CACNA2D1: variants seen among roughly 807,000 people sequenced by gnomAD.
The protein encoded by CACNA2D1 is calcium voltage-gated channel auxiliary subunit alpha2delta 1, also known as voltage-dependent calcium channel subunit alpha-2/delta-1.
A neutral mutation model predicts 171.5 loss-of-function variants in CACNA2D1; 53 were observed. That is an observed-to-expected ratio of 0.31 (90% confidence interval 0.25 to 0.39). The LOEUF (loss-of-function observed/expected upper bound fraction) is 0.39. Among genes scored for constraint, CACNA2D1 ranks in the 10% least tolerant of loss-of-function variants. CACNA2D1 has a pLI of 1.00. For synonymous variants in CACNA2D1, 442 were observed against 443.1 expected, an observed-to-expected ratio of 1.00 and a Z score of 0.03; for missense variants, 903 against 1,299.8, an observed-to-expected ratio of 0.69 and a Z score of 4.69.
At chr7:82,117,838 C>T (rs1789263689) in intron 5 of CACNA2D1, among the ~76,000 whole-genome samples, 1 of 151,936 alleles carries the variant, frequency 6.6e-6, no homozygotes, top group Admixed American at 6.6e-5. Flanking sequence ...TAGAGAGGTG[C>T]CTTTAAATAC....
At chr7:82,013,401 A>T in intron 14 of CACNA2D1, 60 bp downstream of exon 14, 2 of 762,166 alleles carry the variant, frequency 2.6e-6, no homozygotes, top group Non-Finnish European at 1.9e-6. Context: ...AGCATATTTA[A>T]ACCAGAAAAA....
rs561644743 is a variant in CACNA2D1 at position 82,323,456 on chromosome 7, A to G, written c.294+11679T>C. 9.9e-5 allele frequency among the ~76,000 whole-genome samples: 15 copies of G among 152,268 alleles called. No individual in the cohort carries two copies. In the South Asian group the frequency reaches 2.9e-3, roughly 29 times the overall value. ...AAGTTCTGGTTCTAGCTCTACCACT[A>G]ACGACCTATGCGCAGGACCAGCCAG... On this transcript the variant is annotated intron_variant, in intron 3 of 38. Coordinates refer to ENST00000356860, the MANE Select transcript of CACNA2D1 (RefSeq NM_000722.4).
At chr7:82,145,712 T>A (rs973667345) in intron 4 of CACNA2D1, among the ~76,000 whole-genome samples, 3 of 148,656 alleles carry the variant, frequency 2.0e-5, no homozygotes, top group African/African-American at 4.9e-5. Flanking sequence ...ATACACAATT[T>A]TATATATATA....
chr7:82,363,879 G>C (rs1398719022), intron 1 of CACNA2D1, among the ~76,000 whole-genome samples: 1 of 152,184 alleles, frequency 6.6e-6, no homozygotes, highest in Non-Finnish European at 1.5e-5. Flanking sequence ...AATAGCCAGT[G>C]TCCAAGGACA....
intron 8 of CACNA2D1, 149 bp from the exon 9 acceptor site, chr7:82,064,503 T>C: frequency 1.8e-6 from 1 of 568,684 alleles, no homozygotes; most frequent in South Asian, 2.4e-5. Context: ...TTTCCATTCA[T>C]ATTCTTCAAT....
At chr7:81,962,187 T>C (rs1290067758) in intron 35 of CACNA2D1, among the ~76,000 whole-genome samples, 164 bp from the exon 36 acceptor site, 2 of 151,830 alleles carry the variant, frequency 1.3e-5, no homozygotes, top group African/African-American at 2.4e-5. Flanking sequence ...CAGCCCGTAA[T>C]AGATGCCTGA....
At chr7:82,023,849 A>C (rs1801557070) in intron 12 of CACNA2D1, 1 of 151,694 alleles carries the variant, frequency 6.6e-6, no homozygotes, top group Non-Finnish European at 1.5e-5. Context: ...TCAGGCAACC[A>C]CTATTTCACT....
intron 3 of CACNA2D1, among the ~76,000 whole-genome samples, chr7:82,247,324 A>G (rs1348496540): frequency 6.6e-6 from 1 of 152,048 alleles, no homozygotes; most frequent in Non-Finnish European, 1.5e-5. Context: ...AGCCTGGGCA[A>G]CATGGCAAAA....
At chr7:82,185,479 GGGGGAGGAGGAGGGGGAGGGGA>G (rs1797581354) in intron 3 of CACNA2D1, among the ~76,000 whole-genome samples, 1 of 19,872 alleles carries the variant, frequency 5.0e-5, no homozygotes, top group Non-Finnish European at 1.3e-4. Flanking sequence ...GAGGGGGGGA[GGGGGAGGAGGAGGGGGAGGGGA>G]GGGGGAGGGG....
chr7:82,244,368 T>C (rs1020107101), intron 3 of CACNA2D1, among the ~76,000 whole-genome samples: 1 of 152,122 alleles, frequency 6.6e-6, no homozygotes, highest in Non-Finnish European at 1.5e-5. Flanking sequence ...ACGAAGGAAG[T>C]GAGCATGAAG....
intron 3 of CACNA2D1, among the ~76,000 whole-genome samples, chr7:82,256,176 T>C (rs1456032027): frequency 6.6e-6 from 1 of 151,904 alleles, no homozygotes; most frequent in Admixed American, 6.6e-5. Context: ...GGCATGGCGG[T>C]GGGGCGTGGC....
intron 4 of CACNA2D1, among the ~76,000 whole-genome samples, chr7:82,139,976 T>TATA (rs1792165346): frequency 6.7e-6 from 1 of 148,216 alleles, no homozygotes; most frequent in Non-Finnish European, 1.5e-5. Flanking sequence ...TTATTATTAT[T>TATA]AACGGTGTTT....
chr7:82,028,792 T>C (rs9986972), intron 12 of CACNA2D1: 30,183 of 151,692 alleles, frequency 0.2, 3,291 homozygotes, highest in African/African-American at 0.3. Context: ...ATGGGCTGAA[T>C]TGCTACAATC....
At chr7:82,404,949 A>G (rs1265846438) in intron 1 of CACNA2D1, among the ~76,000 whole-genome samples, 1 of 152,224 alleles carries the variant, frequency 6.6e-6, no homozygotes, top group Non-Finnish European at 1.5e-5. Context: ...GCAGAATCTA[A>G]AGCATGTAAG....
In CACNA2D1 at chr7:82,175,924, G is replaced by A. The variant is rs150171222; in HGVS notation, c.295-5315C>T. ...TGACCTCTTCAACACGTACATATGA[G>A]CGAAATAAATGAAAAAAAATCTTAG... On this transcript the variant is annotated intron_variant, in intron 3 of 38. Transcript: ENST00000356860. Among the ~76,000 whole-genome samples the A allele has an allele frequency of 5.9e-4, 85 of 143,418 alleles. No individual in the cohort carries two copies. In the East Asian group the frequency reaches 0.013, roughly 21 times the overall value. 94.1% of individuals were successfully genotyped at this position (143,418 alleles called of 152,430 possible).
chr7:82,269,072 A>G (rs1406041327), intron 3 of CACNA2D1, among the ~76,000 whole-genome samples: 2 of 147,732 alleles, frequency 1.4e-5, no homozygotes, highest in Non-Finnish European at 3.0e-5. Context: ...TTTTCTATCA[A>G]TGCTCACCTT....
chr7:82,369,001 G>A (rs1822053530), intron 1 of CACNA2D1, among the ~76,000 whole-genome samples: 1 of 152,056 alleles, frequency 6.6e-6, no homozygotes, highest in South Asian at 2.1e-4. Context: ...CCAATTTACA[G>A]ACACTTCACT....
intron 1 of CACNA2D1, among the ~76,000 whole-genome samples, chr7:82,361,502 T>C (rs907386746): frequency 1.3e-5 from 2 of 152,184 alleles, no homozygotes; most frequent in African/African-American, 4.8e-5. Flanking sequence ...TTTTTTAATT[T>C]GAATTGTTAA....
intron 6 of CACNA2D1, among the ~76,000 whole-genome samples, chr7:82,115,637 A>C (rs1287289661): frequency 6.6e-6 from 1 of 151,934 alleles, no homozygotes; most frequent in Admixed American, 6.5e-5. Flanking sequence ...TAAAACACTT[A>C]AAAGGAGAAA....
Sources: allele counts gnomAD v4.1 joint callset (sites outside exome capture counted in the v4.1 genomes callset), GRCh38; gene constraint gnomAD v4.1.1; transcripts MANE v1.5; gene names NCBI Gene and HGNC (gene_info 2026-07-23, HGNC 2026-07-21).